SAMTOR: variants seen among roughly 807,000 people sequenced by gnomAD.
The protein encoded by SAMTOR is S-adenosylmethionine sensor upstream of mTORC1.
At chr7:112,879,719 T>C in the SAMTOR span, among the ~76,000 whole-genome samples, 1 of 152,188 alleles carries the variant, frequency 6.6e-6, no homozygotes, top group Non-Finnish European at 1.5e-5. Flanking sequence ...ATTTTGATTC[T>C]GAATTTTCAG....
chr7:112,825,296 C>T, the SAMTOR span, among the ~76,000 whole-genome samples: 365 of 152,060 alleles, frequency 2.4e-3, 1 homozygote, highest in African/African-American at 8.2e-3. Flanking sequence ...CAAAATGCTG[C>T]GGTTACAGGT....
the SAMTOR span, among the ~76,000 whole-genome samples, chr7:112,855,368 T>C: frequency 6.6e-6 from 1 of 152,204 alleles, no homozygotes; most frequent in African/African-American, 2.4e-5. Context: ...CCCAATTCCA[T>C]AGGTCAAAAG....
At chr7:112,853,134 A>G in the SAMTOR span, among the ~76,000 whole-genome samples, 2 of 152,128 alleles carry the variant, frequency 1.3e-5, no homozygotes, top group African/African-American at 2.4e-5. Context: ...ATGTTCATTT[A>G]TATTCCTTAA....
chr7:112,877,790 C>T, the SAMTOR span, among the ~76,000 whole-genome samples: 1 of 152,056 alleles, frequency 6.6e-6, no homozygotes, highest in African/African-American at 2.4e-5. Flanking sequence ...CTTGTGAGAC[C>T]TTGTGAGTTC....
At chr7:112,911,665 A>T in the SAMTOR span, among the ~76,000 whole-genome samples, 1 of 152,042 alleles carries the variant, frequency 6.6e-6, no homozygotes, top group Non-Finnish European at 1.5e-5. Flanking sequence ...ATTTTTTTAA[A>T]ATAGAGAAAA....
At chr7:112,824,491 T>C in the SAMTOR span, among the ~76,000 whole-genome samples, 1 of 151,998 alleles carries the variant, frequency 6.6e-6, no homozygotes, top group African/African-American at 2.4e-5. Context: ...CTCTCCTGAG[T>C]AGCTGGGACT....
At chr7:112,820,357 G>C in the SAMTOR span, 5 of 152,392 alleles carry the variant, frequency 3.3e-5, no homozygotes, top group East Asian at 7.7e-4. Context: ...TATTGAAAAT[G>C]CAAGTTTCCT....
At chr7:112,862,329 A>AT in the SAMTOR span, among the ~76,000 whole-genome samples, 1 of 152,130 alleles carries the variant, frequency 6.6e-6, no homozygotes, top group East Asian at 1.9e-4. Context: ...AGGATTATTA[A>AT]TTTTCCCTGT....
the SAMTOR span, among the ~76,000 whole-genome samples, chr7:112,856,093 A>G: frequency 3.9e-5 from 6 of 152,182 alleles, no homozygotes; most frequent in Non-Finnish European, 7.3e-5. Flanking sequence ...AGCCATGAAT[A>G]TAAACGAGTA....
the SAMTOR span, among the ~76,000 whole-genome samples, chr7:112,872,818 AAG>A: frequency 6.6e-6 from 1 of 151,916 alleles, no homozygotes; most frequent in Non-Finnish European, 1.5e-5. Context: ...AAAAAAAAAA[AAG>A]AAATTTAAAA....
At chr7:112,872,005 C>T in the SAMTOR span, among the ~76,000 whole-genome samples, 1 of 151,956 alleles carries the variant, frequency 6.6e-6, no homozygotes, top group African/African-American at 2.4e-5. Flanking sequence ...TAATAAAATC[C>T]AGACCAGAGG....
At chr7:112,842,580 T>C in the SAMTOR span, among the ~76,000 whole-genome samples, 1 of 152,048 alleles carries the variant, frequency 6.6e-6, no homozygotes, top group East Asian at 1.9e-4. Flanking sequence ...TAGATAATCA[T>C]ATTCCAGTTT....
At chr7:112,854,146 A>G in the SAMTOR span, among the ~76,000 whole-genome samples, 1 of 152,116 alleles carries the variant, frequency 6.6e-6, no homozygotes, top group Non-Finnish European at 1.5e-5. Flanking sequence ...AGCAGAAAAA[A>G]ATAGTTAGAA....
chr7:112,832,771 T>C, the SAMTOR span: 7 of 706,624 alleles, frequency 9.9e-6, no homozygotes, highest in Non-Finnish European at 1.7e-5. Context: ...TCAGGACCCT[T>C]TTACACATAT....
At chr7:112,890,142 G>C in the SAMTOR span, among the ~76,000 whole-genome samples, 1 of 152,154 alleles carries the variant, frequency 6.6e-6, no homozygotes, top group South Asian at 2.1e-4. Context: ...TGAATATGCA[G>C]AGAAAACCCA....
chr7:112,893,409 T>G, the SAMTOR span, among the ~76,000 whole-genome samples: 2 of 152,210 alleles, frequency 1.3e-5, no homozygotes, highest in African/African-American at 4.8e-5. Context: ...TTCTTAGACC[T>G]CATGAACCAA....
At chr7:112,890,544 T>C in the SAMTOR span, among the ~76,000 whole-genome samples, 1 of 151,808 alleles carries the variant, frequency 6.6e-6, no homozygotes, top group Non-Finnish European at 1.5e-5. Context: ...AAAAGCATAG[T>C]CCATACTCAG....
chr7:112,865,217 T>C, the SAMTOR span, among the ~76,000 whole-genome samples: 1 of 152,246 alleles, frequency 6.6e-6, no homozygotes, highest in Admixed American at 6.5e-5. Flanking sequence ...GGGTGGCTAA[T>C]ATGGGAGGAT....
At chr7:112,824,575 C>G in the SAMTOR span, among the ~76,000 whole-genome samples, 2 of 152,162 alleles carry the variant, frequency 1.3e-5, no homozygotes, top group South Asian at 2.1e-4. Context: ...ATTGGCCAGG[C>G]TGGTCTCGAA....
Sources: gnomAD v4.1 joint callset for allele counts (sites outside exome capture counted in the v4.1 genomes callset) on GRCh38, gnomAD v4.1.1 for gene constraint, MANE v1.5 for transcripts, NCBI Gene and HGNC (gene_info 2026-07-23, HGNC 2026-07-21) for gene names.